ETV4: variants seen among roughly 807,000 people sequenced by gnomAD.
ETV4 encodes the protein ETS translocation variant 4.
In ETV4, 42 loss-of-function variants were observed where a neutral mutation model predicts 65.9. The observed-to-expected ratio is 0.64, with a 90% CI of 0.50 to 0.82. ETV4 has a LOEUF of 0.82. ETV4 is among the 40% of genes least tolerant of loss of function. ETV4 has a pLI of 0.00. For synonymous variants in ETV4, 238 were observed against 260.0 expected (o/e 0.92, Z 0.81); for missense variants, 583 against 630.3 (o/e 0.92, Z 0.80).
At position 43,536,438 on chromosome 17, in the gene ETV4, G is replaced by A; in HGVS notation, c.244C>T (p.His82Tyr). 6.2e-7 allele frequency: 1 copy of A among 1,614,220 alleles called. No individual in the cohort carries two copies. The highest frequency in any genetic ancestry group is 8.5e-7 in the Non-Finnish European group (1 of 1,180,044). Residue 82 changes from histidine to tyrosine, a missense_variant, in exon 5 of 13, where the codon CAT becomes TAT. By Grantham distance (83) the His-to-Tyr change is moderately conservative (BLOSUM62 2). Coordinates refer to ENST00000319349, the MANE Select transcript of ETV4 (RefSeq NM_001079675.5). ...DSDEQFVPDF[H>Y]SENLAFHSPT... ...GACCTCTACTCACGGTTTTCTGAAT[G>A]GAAATCAGGAACAAACTGCTCATCA...
Position 43,534,662 on chromosome 17 carries a change from G to A in ETV4, c.257-677C>T, listed in dbSNP as rs185941118. 5.9e-5 allele frequency among the ~76,000 whole-genome samples: 9 copies of A among 152,228 alleles called. No homozygotes were observed. The East Asian group carries it at 1.5e-3, about 26-fold the overall frequency. On this transcript the variant is annotated intron_variant, in intron 5 of 12. Coordinates refer to ENST00000319349, the MANE Select transcript of ETV4 (RefSeq NM_001079675.5). ...AGGATATAAAGAATCTTTCTTGGCC[G>A]GGCGCGGTGGCTCACGCCTGTAATC... is the stretch of plus-strand genomic sequence containing the variant.
chr17:43,530,902 C>T lies in ETV4; in HGVS notation c.812-721G>A, dbSNP rs375949258. On this transcript the variant is annotated intron_variant, in intron 8 of 12. Transcript: ENST00000319349. ...CTCCGGGAGGAGGCGGGAGGGTGGG[C>T]TCATTCATGCCTCCATTTTGTGAAT... Among the ~76,000 whole-genome samples, 112 of 152,186 alleles carry T rather than the reference C, an allele frequency of 7.4e-4. 2 individuals carry two copies. The East Asian group carries it at 0.02, about 27-fold the overall frequency.
chr17:43,533,093 C>A, intron 7 of ETV4, 94 bp downstream of exon 7: 1 of 1,534,484 alleles, frequency 6.5e-7, no homozygotes, highest in Non-Finnish European at 8.8e-7. Flanking sequence ...TGCCCCCTGC[C>A]TCTACCACCC....
In ETV4 at chr17:43,528,083, C is replaced by T. The variant is rs953434638; in HGVS notation, c.*436G>A. 2.1e-5 allele frequency: 5 copies of T among 235,800 alleles called. No homozygotes were observed. Among genetic ancestry groups the T allele is most frequent in the African/African-American group, 6.6e-5 (3 of 45,348 alleles). 14.6% of individuals were successfully genotyped at this position (235,800 alleles called of 1,614,324 possible). A position where few individuals can be genotyped will look rare whatever the true frequency, so the allele number is the denominator to read the frequency against. On this transcript the variant is annotated 3_prime_UTR_variant, in exon 13 of 13. Transcript: ENST00000319349. Reference sequence around the variant, plus strand: ...AAACCGGGACCCTCCAGGGCCACAGCGTGGGGCAGAGTCCAGGCTTCTGTC... The same window carrying T: ...AAACCGGGACCCTCCAGGGCCACAGTGTGGGGCAGAGTCCAGGCTTCTGTC...
rs564483582 is a variant in ETV4 at position 43,541,162 on chromosome 17, C to T, written c.202+3813G>A. Among the ~76,000 whole-genome samples the T allele has an allele frequency of 3.9e-5, 6 of 152,278 alleles. No individual in the cohort carries two copies. The East Asian group carries it at 7.8e-4, about 20-fold the overall frequency. On this transcript the variant is annotated intron_variant, in intron 4 of 12. Coordinates refer to ENST00000319349, the MANE Select transcript of ETV4 (RefSeq NM_001079675.5). ...TTCCCAGAGCCAGGAGAAATCTGTC[C>T]TAGCTCAGCCCCTCCCCCAAACACT...
chr17:43,531,012 C>T (rs536604097), intron 8 of ETV4, among the ~76,000 whole-genome samples: 39 of 152,276 alleles, frequency 2.6e-4, no homozygotes, highest in African/African-American at 8.9e-4. Context: ...GGTCTACAGC[C>T]TTTGAAGGTC....
chr17:43,535,537 A>G (rs1469831840), intron 5 of ETV4, among the ~76,000 whole-genome samples: 1 of 152,116 alleles, frequency 6.6e-6, no homozygotes, highest in Non-Finnish European at 1.5e-5. Flanking sequence ...TCAGCCTCCC[A>G]AAGTGCTGGG....
At position 43,538,154 on chromosome 17, in the gene ETV4, A is replaced by G. The variant is rs999715531; in HGVS notation, c.203-1675T>C. ...AGACTCCATTTCAAAAAAAAAAAAAAAAAAATTAGCTGGACGTGGTGGCAC... is the reference window on the plus strand; with the variant it reads ...AGACTCCATTTCAAAAAAAAAAAAAGAAAAATTAGCTGGACGTGGTGGCAC... On this transcript the variant is annotated intron_variant, in intron 4 of 12. Coordinates refer to ENST00000319349, the MANE Select transcript of ETV4 (RefSeq NM_001079675.5). 1.2e-4 allele frequency among the ~76,000 whole-genome samples: 18 copies of G among 151,420 alleles called. 1 individual carries two copies. Among genetic ancestry groups the G allele is most frequent in the African/African-American group, 4.1e-4 (17 of 41,266 alleles).
At chr17:43,530,607 C>CGTGTGTGTGT (rs1414343747) in intron 8 of ETV4, among the ~76,000 whole-genome samples, 33 of 138,736 alleles carry the variant, frequency 2.4e-4, no homozygotes, top group African/African-American at 8.0e-4. Flanking sequence ...TGTGCACGCG[C>CGTGTGTGTGT]GCGTGTGTGT....
In ETV4 at chr17:43,537,987, G is replaced by A. The variant is rs141228619; in HGVS notation, c.203-1508C>T. Among the ~76,000 whole-genome samples, 590 of 152,110 alleles carry A rather than the reference G, an allele frequency of 3.9e-3. 6 individuals carry two copies. Among genetic ancestry groups the A allele is most frequent in the African/African-American group, 0.011 (471 of 41,500 alleles). ...ACTAAAAATACAAAAAAAATTAGCC[G>A]GGTGTGGTGGCGGGTGCCTGTAGTC... On this transcript the variant is annotated intron_variant, in intron 4 of 12. Coordinates refer to ENST00000319349, the MANE Select transcript of ETV4 (RefSeq NM_001079675.5).
chr17:43,545,782 G>A, intron 1 of ETV4, 114 bp from the exon 2 acceptor site: 1 of 630,630 alleles, frequency 1.6e-6, no homozygotes, highest in East Asian at 2.9e-5. Context: ...CGACTCACTG[G>A]GGCGATGGCG....
Position 43,536,548 on chromosome 17 carries a change from C to T in ETV4, c.203-69G>A, listed in dbSNP as rs1215345195. 10 of 1,380,810 alleles carry T rather than the reference C, an allele frequency of 7.2e-6. No homozygotes were observed. In the Admixed American group the frequency reaches 1.7e-4, roughly 24 times the overall value. The allele number at this position is 1,380,810 out of a possible 1,614,324, so 85.5% of individuals were successfully genotyped here. On this transcript the variant is annotated intron_variant, in intron 4 of 12. Coordinates refer to ENST00000319349, the MANE Select transcript of ETV4 (RefSeq NM_001079675.5). ...TGTCCCCTGGGAGGCTCCATTATTA[C>T]AGCCCTGCAGATTAGCAACAGCCAA...
chr17:43,541,578 G>A (rs1230122682), intron 4 of ETV4, among the ~76,000 whole-genome samples: 1 of 152,100 alleles, frequency 6.6e-6, no homozygotes, highest in Non-Finnish European at 1.5e-5. Context: ...CTCCCAAGCT[G>A]GATTCTGGAA....
chr17:43,533,992 G>T lies in ETV4; in HGVS notation c.257-7C>A. The T allele has an allele frequency of 6.6e-7, 1 of 1,523,832 alleles. No individual in the cohort carries two copies. The highest frequency in any genetic ancestry group is 2.6e-5 in the East Asian group (1 of 38,898). 94.4% of individuals were successfully genotyped at this position (1,523,832 alleles called of 1,614,324 possible). A position where few individuals can be genotyped will look rare whatever the true frequency, so the allele number is the denominator to read the frequency against. On this transcript the variant is annotated splice_polypyrimidine_tract_variant and splice_region_variant and intron_variant, in intron 5 of 12. Coordinates refer to ENST00000319349, the MANE Select transcript of ETV4 (RefSeq NM_001079675.5). ...GTGGGGCTGTGGAAAGCTACTGTGGGGGTGGAGGGGACAGAGCAAGGCCAG... is the reference window on the plus strand; with the variant it reads ...GTGGGGCTGTGGAAAGCTACTGTGGTGGTGGAGGGGACAGAGCAAGGCCAG...
chr17:43,544,673 G>A (rs986109233), intron 4 of ETV4: 1 of 276,628 alleles, frequency 3.6e-6, no homozygotes, highest in African/African-American at 2.2e-5. Context: ...TTTCAACCAG[G>A]AAAATGGGCC....
rs765827809 is a variant in ETV4, at chr17:43,529,964, A to G, written c.887-12T>C. The G allele has an allele frequency of 5.0e-6, 8 of 1,614,072 alleles. No individual in the cohort carries two copies. The African/African-American group carries it at 1.1e-4, about 22-fold the overall frequency. On this transcript the variant is annotated splice_polypyrimidine_tract_variant and intron_variant, in intron 9 of 12. Transcript: ENST00000319349. ...CTCATAGCCATAGCCTTGTGGAGGA[A>G]ATTGGGGGTTGCTCAGATCTGGGGG...
intron 8 of ETV4, chr17:43,530,384 C>T: frequency 6.9e-7 from 1 of 1,439,784 alleles, no homozygotes. Flanking sequence ...CCCTCCTCAA[C>T]TTGAGGGCTG....
chr17:43,536,462 C>T lies in ETV4; in HGVS notation c.220G>A (p.Asp74Asn). Residue 74 changes from aspartate to asparagine, a missense_variant, in exon 5 of 13, where the codon GAT (aspartate) becomes AAT (asparagine). Asp to Asn is a conservative substitution (Grantham distance 23, BLOSUM62 1). Transcript: ENST00000319349. ...TGGAAATCAGGAACAAACTGCTCAT[C>T]ACTGTCTGGTACCTGAGCTGCAGAG... ...WLAEAQVPDS[D>N]EQFVPDFHSE... 2 of 1,614,230 alleles carry T rather than the reference C, an allele frequency of 1.2e-6. No individual in the cohort carries two copies. Among genetic ancestry groups the T allele is most frequent in the Non-Finnish European group, 1.7e-6 (2 of 1,180,036 alleles).
At chr17:43,532,514 G>GAAAAAT (rs1460091349) in intron 8 of ETV4, among the ~76,000 whole-genome samples, 160 bp downstream of exon 8, 1 of 151,818 alleles carries the variant, frequency 6.6e-6, no homozygotes, top group Non-Finnish European at 1.5e-5. Flanking sequence ...AAAAGAAAAA[G>GAAAAAT]AAAGAAAAAT....
Sources: gnomAD v4.1 joint callset for allele counts (sites outside exome capture counted in the v4.1 genomes callset) on GRCh38, gnomAD v4.1.1 for gene constraint, MANE v1.5 for transcripts, NCBI Gene and HGNC (gene_info 2026-07-23, HGNC 2026-07-21) for gene names.